The following PRKCA variants were observed in gnomAD, a reference collection of about 807,000 sequenced individuals.
PRKCA encodes the protein protein kinase C alpha type.
A neutral mutation model predicts 87.0 loss-of-function variants in PRKCA; 27 were observed. The ratio of observed to expected loss-of-function variants is 0.31; its 90% CI spans 0.23 to 0.43. The LOEUF (loss-of-function observed/expected upper bound fraction) is 0.43. PRKCA is among the 20% of genes least tolerant of loss of function. PRKCA has a pLI of 1.00. For missense variants in PRKCA, 518 were observed against 852.3 expected (o/e 0.61, Z 4.88); for synonymous variants, 329 against 311.1 (o/e 1.06, Z -0.61).
intron 3 of PRKCA, among the ~76,000 whole-genome samples, chr17:66,637,754 A>G (rs28595388): frequency 0.53 from 80,685 of 151,990 alleles, 21,571 homozygotes; most frequent in African/African-American, 0.59. Flanking sequence ...TGTGTCCGCC[A>G]ACACAAGGAT....
chr17:66,730,232 T>C (rs1421773629), intron 8 of PRKCA, among the ~76,000 whole-genome samples: 1 of 152,212 alleles, frequency 6.6e-6, no homozygotes. Flanking sequence ...GTTGGGAATC[T>C]AGACACAGCT....
chr17:66,537,726 A>C lies in PRKCA; in HGVS notation c.288+41443A>C, dbSNP rs373576824. The stretch of plus-strand genomic sequence containing the variant: ...AGTATTTTCCACTTCCCCATTTCTG[A>C]AGCTCCTAGACGTTTTATATTTCTT... On this transcript the variant is annotated intron_variant, in intron 3 of 16. Transcript: ENST00000413366. Among the ~76,000 whole-genome samples the C allele has an allele frequency of 8.5e-5, 13 of 152,308 alleles. 1 individual carries two copies. Among genetic ancestry groups the C allele is most frequent in the African/African-American group, 3.1e-4 (13 of 41,552 alleles).
At chr17:66,752,470 C>G (rs1974457677) in intron 13 of PRKCA, among the ~76,000 whole-genome samples, 1 of 152,088 alleles carries the variant, frequency 6.6e-6, no homozygotes, top group Non-Finnish European at 1.5e-5. Flanking sequence ...GTGGTGGGCA[C>G]CTGTGTAGTC....
intron 3 of PRKCA, among the ~76,000 whole-genome samples, chr17:66,596,303 A>G (rs1349968774): frequency 6.6e-6 from 1 of 152,208 alleles, no homozygotes; most frequent in East Asian, 1.9e-4. Flanking sequence ...AAAAGCAAGC[A>G]AGAACAGGGC....
intron 2 of PRKCA, among the ~76,000 whole-genome samples, chr17:66,351,154 T>C (rs960937414): frequency 9.9e-5 from 15 of 152,206 alleles, no homozygotes; most frequent in African/African-American, 3.6e-4. Flanking sequence ...GGAGTGGGTA[T>C]GCAGTGAATG....
chr17:66,661,299 G>C (rs1248495122), intron 5 of PRKCA, among the ~76,000 whole-genome samples: 1 of 151,990 alleles, frequency 6.6e-6, no homozygotes, highest in Non-Finnish European at 1.5e-5. Context: ...GGGCAGATAT[G>C]GGGTGGGGTG....
chr17:66,342,460 A>C (rs150290338), intron 2 of PRKCA, among the ~76,000 whole-genome samples: 12,352 of 140,992 alleles, frequency 0.088, 894 homozygotes, highest in African/African-American at 0.2. Context: ...TAATAATAAT[A>C]ATAATAATAA....
At chr17:66,763,961 T>C (rs762357225) in intron 13 of PRKCA, among the ~76,000 whole-genome samples, 1 of 152,166 alleles carries the variant, frequency 6.6e-6, no homozygotes, top group Non-Finnish European at 1.5e-5. Flanking sequence ...GCAGGACTCA[T>C]GTAAACTGGG....
intron 5 of PRKCA, among the ~76,000 whole-genome samples, chr17:66,667,304 G>A (rs372429353): frequency 2.0e-5 from 3 of 152,242 alleles, no homozygotes; most frequent in African/African-American, 4.8e-5. Flanking sequence ...GTATTCATCC[G>A]TTCTTACACT....
chr17:66,552,149 T>C (rs148082986), intron 3 of PRKCA, among the ~76,000 whole-genome samples: 12 of 151,956 alleles, frequency 7.9e-5, no homozygotes, highest in African/African-American at 2.4e-4. Flanking sequence ...AAATACAAAA[T>C]TAGCTGGGCA....
At chr17:66,725,660 A>T (rs1973728230) in intron 8 of PRKCA, among the ~76,000 whole-genome samples, 1 of 148,300 alleles carries the variant, frequency 6.7e-6, no homozygotes, top group Admixed American at 6.7e-5. Context: ...AAAAAAAAAA[A>T]TTAGCTGGGT....
chr17:66,501,435 C>T (rs1250416805), intron 3 of PRKCA, among the ~76,000 whole-genome samples: 1 of 152,194 alleles, frequency 6.6e-6, no homozygotes, highest in Admixed American at 6.5e-5. Context: ...TTAAGTCCGT[C>T]CCCATACACG....
intron 2 of PRKCA, among the ~76,000 whole-genome samples, chr17:66,459,545 ATTC>A (rs1914745298): frequency 6.6e-6 from 1 of 152,214 alleles, no homozygotes; most frequent in Non-Finnish European, 1.5e-5. Context: ...TTTCTGGAAA[ATTC>A]TTCTGGTGGA....
chr17:66,777,719 A>G, intron 14 of PRKCA: 6 of 985,416 alleles, frequency 6.1e-6, no homozygotes, highest in Non-Finnish European at 7.2e-6. Flanking sequence ...GCTTTCATTA[A>G]GAGTCACATT....
At chr17:66,610,879 A>G (rs1970342494) in intron 3 of PRKCA, among the ~76,000 whole-genome samples, 1 of 152,158 alleles carries the variant, frequency 6.6e-6, no homozygotes, top group East Asian at 1.9e-4. Flanking sequence ...TTACAGTACA[A>G]GGCATGTCAG....
chr17:66,384,806 A>AT (rs1044427063), intron 2 of PRKCA, among the ~76,000 whole-genome samples: 3 of 151,608 alleles, frequency 2.0e-5, no homozygotes, highest in African/African-American at 7.3e-5. Flanking sequence ...TTTTTTTTAT[A>AT]TTTTTAGTAG....
At chr17:66,679,959 T>C (rs775930972) in intron 5 of PRKCA, among the ~76,000 whole-genome samples, 1 of 152,222 alleles carries the variant, frequency 6.6e-6, no homozygotes, top group Non-Finnish European at 1.5e-5. Context: ...AATTTATGGA[T>C]CTAAAGTCCT....
chr17:66,537,308 G>A (rs1967823539), intron 3 of PRKCA, among the ~76,000 whole-genome samples: 4 of 152,156 alleles, frequency 2.6e-5, no homozygotes. Flanking sequence ...GAAGCTTGCA[G>A]GTAAGTATGA....
chr17:66,630,449 C>A (rs1970979550), intron 3 of PRKCA, among the ~76,000 whole-genome samples: 1 of 152,214 alleles, frequency 6.6e-6, no homozygotes, highest in Non-Finnish European at 1.5e-5. Flanking sequence ...TGCAGAGCAT[C>A]CCCAACCTAG....
Sources: gnomAD v4.1 joint callset for allele counts (sites outside exome capture counted in the v4.1 genomes callset) on GRCh38, gnomAD v4.1.1 for gene constraint, MANE v1.5 for transcripts, NCBI Gene and HGNC (gene_info 2026-07-23, HGNC 2026-07-21) for gene names.